Variants in ST6GALNAC5 observed in about 807,000 individuals in gnomAD.
ST6GALNAC5 encodes the protein ST6 N-acetylgalactosaminide alpha-2,6-sialyltransferase 5.
Under a neutral mutation model 33.6 loss-of-function variants are expected in ST6GALNAC5, and 27 were observed. That is an observed-to-expected ratio of 0.80 (90% CI 0.59 to 1.11). The LOEUF (loss-of-function observed/expected upper bound fraction) is 1.11. Ranked by LOEUF, ST6GALNAC5 falls within the 50% of genes least tolerant of loss-of-function variation. ST6GALNAC5 has a pLI of 0.00. For missense variants in ST6GALNAC5, 428 were observed against 454.0 expected, an observed-to-expected ratio of 0.94 and a Z score of 0.52; for synonymous variants, 194 against 171.2, an observed-to-expected ratio of 1.13 and a Z score of -1.04.
intron 2 of ST6GALNAC5, among the ~76,000 whole-genome samples, chr1:76,950,178 C>T (rs1207285549): frequency 6.6e-6 from 1 of 152,124 alleles, no homozygotes; most frequent in Non-Finnish European, 1.5e-5. Context: ...GTATGAAGGA[C>T]TGAGATGAGA....
chr1:76,920,351 A>G (rs1232967396), intron 2 of ST6GALNAC5, among the ~76,000 whole-genome samples: 1 of 152,216 alleles, frequency 6.6e-6, no homozygotes, highest in African/African-American at 2.4e-5. Flanking sequence ...TCTTAAAAGA[A>G]AACAGCCATA....
chr1:76,972,766 T>A (rs551617485), intron 2 of ST6GALNAC5, among the ~76,000 whole-genome samples: 2 of 152,334 alleles, frequency 1.3e-5, no homozygotes, highest in East Asian at 3.9e-4. Flanking sequence ...ATATGGGTTA[T>A]ACCATTTTGC....
intron 2 of ST6GALNAC5, among the ~76,000 whole-genome samples, chr1:76,883,801 G>C (rs1260202278): frequency 6.6e-6 from 1 of 152,134 alleles, no homozygotes; most frequent in East Asian, 1.9e-4. Flanking sequence ...TCTACCATAT[G>C]CCTAGCATTG....
At chr1:76,994,728 T>C (rs2100400723) in intron 2 of ST6GALNAC5, among the ~76,000 whole-genome samples, 1 of 152,292 alleles carries the variant, frequency 6.6e-6, no homozygotes, top group African/African-American at 2.4e-5. Context: ...TTTTCTGCAA[T>C]GTCAAGAGAA....
intron 2 of ST6GALNAC5, among the ~76,000 whole-genome samples, chr1:76,893,492 C>T (rs1002186168): frequency 1.1e-4 from 17 of 152,162 alleles, no homozygotes; most frequent in African/African-American, 2.7e-4. Context: ...ATCTTCAATC[C>T]GCTGTATAAT....
chr1:76,891,691 T>C (rs1373212823), intron 2 of ST6GALNAC5, among the ~76,000 whole-genome samples: 1 of 152,192 alleles, frequency 6.6e-6, no homozygotes, highest in Non-Finnish European at 1.5e-5. Context: ...TATGTTTTCT[T>C]CTAAGAGTTT....
chr1:76,896,983 G>C (rs1385189770), intron 2 of ST6GALNAC5, among the ~76,000 whole-genome samples: 1 of 152,054 alleles, frequency 6.6e-6, no homozygotes, highest in African/African-American at 2.4e-5. Flanking sequence ...GGAAGGAAAG[G>C]AGTTGTTGTT....
intron 2 of ST6GALNAC5, among the ~76,000 whole-genome samples, chr1:76,947,480 A>C (rs1647565448): frequency 6.6e-6 from 1 of 152,148 alleles, no homozygotes; most frequent in Non-Finnish European, 1.5e-5. Flanking sequence ...TCACACCTGT[A>C]ATCCCAGCAC....
intron 2 of ST6GALNAC5, among the ~76,000 whole-genome samples, chr1:76,915,975 C>T (rs1646969704): frequency 6.6e-6 from 1 of 150,520 alleles, no homozygotes; most frequent in Admixed American, 6.6e-5. Context: ...ATGTTTTCTA[C>T]CAAAATAAAG....
At chr1:76,952,437 A>G (rs966361665) in intron 2 of ST6GALNAC5, among the ~76,000 whole-genome samples, 1 of 152,120 alleles carries the variant, frequency 6.6e-6, no homozygotes, top group African/African-American at 2.4e-5. Flanking sequence ...GGTCCCCATG[A>G]TGAGATTAGT....
intron 2 of ST6GALNAC5, among the ~76,000 whole-genome samples, chr1:76,957,032 C>T (rs1376093263): frequency 6.6e-6 from 1 of 152,118 alleles, no homozygotes; most frequent in Non-Finnish European, 1.5e-5. Context: ...TTTGAAATAA[C>T]TCAAACCTGG....
intron 2 of ST6GALNAC5, among the ~76,000 whole-genome samples, chr1:77,005,209 G>A (rs1427307099): frequency 6.6e-6 from 1 of 152,214 alleles, no homozygotes; most frequent in African/African-American, 2.4e-5. Context: ...CATTTTTTAA[G>A]CTGGTCCGAA....
At chr1:76,915,055 A>T (rs1468973483) in intron 2 of ST6GALNAC5, among the ~76,000 whole-genome samples, 47 of 149,942 alleles carry the variant, frequency 3.1e-4, no homozygotes, top group South Asian at 6.4e-4. Flanking sequence ...ACTTCTCAAA[A>T]GAAGACATTT....
intron 2 of ST6GALNAC5, among the ~76,000 whole-genome samples, chr1:76,899,736 G>A (rs1000942954): frequency 6.6e-6 from 1 of 152,158 alleles, no homozygotes; most frequent in African/African-American, 2.4e-5. Flanking sequence ...TTAAGAGAAG[G>A]GAGAGATTGA....
chr1:77,008,965 T>C (rs1465128244), intron 2 of ST6GALNAC5, among the ~76,000 whole-genome samples: 1 of 152,232 alleles, frequency 6.6e-6, no homozygotes, highest in Non-Finnish European at 1.5e-5. Context: ...GCACCAATCC[T>C]AGCTGAGAAA....
intron 2 of ST6GALNAC5, among the ~76,000 whole-genome samples, chr1:76,972,541 G>A (rs375763020): frequency 1.3e-4 from 19 of 151,884 alleles, no homozygotes; most frequent in East Asian, 9.6e-4. Flanking sequence ...TAATGTATAC[G>A]TTTGTCCCAT....
chr1:76,967,020 T>G (rs1056932087), intron 2 of ST6GALNAC5, among the ~76,000 whole-genome samples: 1 of 152,240 alleles, frequency 6.6e-6, no homozygotes, highest in African/African-American at 2.4e-5. Context: ...TGAGGATTTT[T>G]GCATCAATGT....
At chr1:77,050,041 T>A (rs1652167830) in intron 3 of ST6GALNAC5, among the ~76,000 whole-genome samples, 1 of 152,192 alleles carries the variant, frequency 6.6e-6, no homozygotes, top group Non-Finnish European at 1.5e-5. Flanking sequence ...TTGTCACAAA[T>A]TCAGCATGAG....
At chr1:77,022,384 G>C (rs1417456834) in intron 2 of ST6GALNAC5, among the ~76,000 whole-genome samples, 1 of 152,136 alleles carries the variant, frequency 6.6e-6, no homozygotes, top group East Asian at 1.9e-4. Flanking sequence ...TTTGAAGTTT[G>C]TACCCCTAAA....
Sources: gnomAD v4.1 joint callset for allele counts (sites outside exome capture counted in the v4.1 genomes callset) on GRCh38, gnomAD v4.1.1 for gene constraint, MANE v1.5 for transcripts, NCBI Gene and HGNC (gene_info 2026-07-23, HGNC 2026-07-21) for gene names.